The following SSBP2 variants were observed in gnomAD, a reference collection of about 807,000 sequenced individuals.
SSBP2 encodes the protein single stranded DNA binding protein 2.
Under a neutral mutation model 61.8 loss-of-function variants are expected in SSBP2, and 17 were observed. The observed-to-expected ratio is 0.28, with a 90% CI of 0.19 to 0.41. The LOEUF (loss-of-function observed/expected upper bound fraction) is 0.41, where lower values mean the gene tolerates loss of function less well. Among genes scored for constraint, SSBP2 ranks in the 10% least tolerant of loss-of-function variants. SSBP2 has a pLI of 1.00. For missense variants in SSBP2, 310 were observed against 458.7 expected (o/e 0.68, Z 2.96); for synonymous variants, 139 against 141.3 (o/e 0.98, Z 0.12).
chr5:81,750,330 C>A (rs1757655219), intron 1 of SSBP2, among the ~76,000 whole-genome samples: 1 of 147,076 alleles, frequency 6.8e-6, no homozygotes, highest in African/African-American at 2.5e-5. Flanking sequence ...AAAGCCCGGA[C>A]GCCCAACCCG....
chr5:81,668,248 T>TAAAAAAAAAAA (rs11332987), intron 1 of SSBP2, among the ~76,000 whole-genome samples: 1 of 94,906 alleles, frequency 1.1e-5, no homozygotes, highest in Non-Finnish European at 2.0e-5. Flanking sequence ...TATGGAAGTT[T>TAAAAAAAAAAA]AAAAAAAAAA....
chr5:81,467,143 C>G, intron 8 of SSBP2, 78 bp from the exon 9 acceptor site: 1 of 890,432 alleles, frequency 1.1e-6, no homozygotes, highest in African/African-American at 1.7e-5. Flanking sequence ...CCCTACATAA[C>G]TCCAATTGGA....
rs1190273560 is a variant in SSBP2, at chr5:81,422,787, T to C, written c.1057-2254A>G. ...AGCAAAACCTCCAGTCATAGACAAA[T>C]GCTGATGACATGGAACTGATCCCTG... On this transcript the variant is annotated intron_variant, in intron 16 of 16. Coordinates refer to ENST00000320672, the MANE Select transcript of SSBP2 (RefSeq NM_012446.5). 3.9e-5 allele frequency among the ~76,000 whole-genome samples: 6 copies of C among 152,180 alleles called. No homozygotes were observed. The East Asian group carries it at 1.2e-3, about 29-fold the overall frequency.
intron 4 of SSBP2, among the ~76,000 whole-genome samples, chr5:81,587,081 C>G (rs981008859): frequency 3.3e-5 from 5 of 152,066 alleles, no homozygotes; most frequent in Non-Finnish European, 5.9e-5. Flanking sequence ...TCTCGTTTTC[C>G]CCTTTGTTCT....
chr5:81,580,912 T>A (rs1201025328), intron 4 of SSBP2, among the ~76,000 whole-genome samples: 4 of 152,144 alleles, frequency 2.6e-5, no homozygotes, highest in Admixed American at 2.6e-4. Context: ...TTCAATATAA[T>A]TATGTTCATT....
chr5:81,681,827 G>A lies in SSBP2; in HGVS notation c.63-31488C>T, dbSNP rs189511408. On this transcript the variant is annotated intron_variant, in intron 1 of 16. Coordinates refer to ENST00000320672, the MANE Select transcript of SSBP2 (RefSeq NM_012446.5). ...AATAAAATTGATAAGCCTCTAGCAAGCTAACTGACAAAAAAAGAGAAGACA... is the reference window on the plus strand; with the variant it reads ...AATAAAATTGATAAGCCTCTAGCAAACTAACTGACAAAAAAAGAGAAGACA... Among the ~76,000 whole-genome samples, 96 of 152,104 alleles carry A rather than the reference G, an allele frequency of 6.3e-4. 1 individual carries two copies. The highest frequency in any genetic ancestry group is 1.0e-4 in the Non-Finnish European group (7 of 67,996).
At chr5:81,483,178 A>C (rs1033198908) in intron 6 of SSBP2, among the ~76,000 whole-genome samples, 1 of 152,196 alleles carries the variant, frequency 6.6e-6, no homozygotes, top group Non-Finnish European at 1.5e-5. Context: ...TAAGAGATAT[A>C]ATGAAAAAAT....
intron 6 of SSBP2, among the ~76,000 whole-genome samples, chr5:81,478,363 C>A (rs1765734936): frequency 6.6e-6 from 1 of 151,776 alleles, no homozygotes; most frequent in African/African-American, 2.4e-5. Flanking sequence ...TTTTCTGATA[C>A]AGAGTCTTAC....
At chr5:81,528,397 T>C (rs1770122216) in intron 4 of SSBP2, among the ~76,000 whole-genome samples, 1 of 152,092 alleles carries the variant, frequency 6.6e-6, no homozygotes, top group African/African-American at 2.4e-5. Context: ...CAGGCTTGGA[T>C]AGTCTTAAAG....
At chr5:81,733,350 A>G (rs1398513031) in intron 1 of SSBP2, among the ~76,000 whole-genome samples, 1 of 152,154 alleles carries the variant, frequency 6.6e-6, no homozygotes, top group Non-Finnish European at 1.5e-5. Flanking sequence ...TTATCTCTCT[A>G]ACTTTCAAAC....
intron 5 of SSBP2, among the ~76,000 whole-genome samples, chr5:81,492,171 T>C (rs1290999738): frequency 6.6e-6 from 1 of 152,238 alleles, no homozygotes; most frequent in Non-Finnish European, 1.5e-5. Context: ...GACATGTCAG[T>C]ATTCCCTGCT....
At chr5:81,549,428 G>A (rs1036679531) in intron 4 of SSBP2, among the ~76,000 whole-genome samples, 3 of 151,934 alleles carry the variant, frequency 2.0e-5, no homozygotes, top group African/African-American at 7.3e-5. Context: ...ATACCTCCAC[G>A]CCCTGAATCC....
chr5:81,597,122 G>T (rs1468523866), intron 4 of SSBP2, among the ~76,000 whole-genome samples: 1 of 152,080 alleles, frequency 6.6e-6, no homozygotes, highest in Non-Finnish European at 1.5e-5. Flanking sequence ...CTGACAAAGG[G>T]CTAATATGCA....
intron 5 of SSBP2, among the ~76,000 whole-genome samples, chr5:81,501,674 C>T (rs540407041): frequency 7.3e-5 from 11 of 149,770 alleles, no homozygotes; most frequent in Non-Finnish European, 1.2e-4. Context: ...GCCATTCTCT[C>T]GCCTCAGCCT....
intron 1 of SSBP2, among the ~76,000 whole-genome samples, chr5:81,656,211 C>A (rs1359502055): frequency 6.6e-6 from 1 of 151,994 alleles, no homozygotes; most frequent in Non-Finnish European, 1.5e-5. Context: ...ACCACCACGC[C>A]CAGCTAATTT....
At chr5:81,693,202 TA>T (rs34403567) in intron 1 of SSBP2, among the ~76,000 whole-genome samples, 49,332 of 116,072 alleles carry the variant, frequency 0.43, 9,722 homozygotes, top group Middle Eastern at 0.57. Flanking sequence ...GACTTTGTCT[TA>T]AAAAAAAAAA....
At chr5:81,666,738 T>C (rs1244932270) in intron 1 of SSBP2, among the ~76,000 whole-genome samples, 1 of 152,198 alleles carries the variant, frequency 6.6e-6, no homozygotes, top group Non-Finnish European at 1.5e-5. Context: ...TCTACTTCAA[T>C]CCAATTTGAA....
At chr5:81,640,272 G>A (rs557155013) in intron 2 of SSBP2, among the ~76,000 whole-genome samples, 3 of 152,120 alleles carry the variant, frequency 2.0e-5, no homozygotes, top group South Asian at 4.2e-4. Context: ...CCCAGGAGGC[G>A]GAGATTGCAG....
In SSBP2 at chr5:81,483,035, T is replaced by G. The variant is rs149777483; in HGVS notation, c.432+6215A>C. Among the ~76,000 whole-genome samples the G allele has an allele frequency of 5.9e-5, 9 of 152,296 alleles. No homozygotes were observed. In the East Asian group the frequency reaches 1.7e-3, roughly 29 times the overall value. ...ATAGGGAAGTCAAGGAGAGGAATAG[T>G]GATCAGGGAGTGGCTGGTCGGTGGA... On this transcript the variant is annotated intron_variant, in intron 6 of 16. Transcript: ENST00000320672.
Sources: gnomAD v4.1 joint callset for allele counts (sites outside exome capture counted in the v4.1 genomes callset) on GRCh38, gnomAD v4.1.1 for gene constraint, MANE v1.5 for transcripts, NCBI Gene and HGNC (gene_info 2026-07-23, HGNC 2026-07-21) for gene names.